ZNF761: variants seen among roughly 807,000 people sequenced by gnomAD.
ZNF761 encodes the protein zinc finger protein 761.
ZNF761 carries 43 observed loss-of-function variants against 59.9 expected under a neutral mutation model. The ratio of observed to expected loss-of-function variants is 0.72; its 90% CI spans 0.56 to 0.92. The LOEUF is 0.92. Ranked by LOEUF, ZNF761 falls within the 40% of genes least tolerant of loss-of-function variation. The probability of loss-of-function intolerance (pLI) is 0.00; values close to 1 mark genes in which losing one functional copy is unlikely to be tolerated. For missense variants in ZNF761, 850 were observed against 906.1 expected (o/e 0.94, Z 0.79); for synonymous variants, 294 against 304.8 (o/e 0.96, Z 0.37).
chr19:53,443,080 T>C (rs1445824354), intron 1 of ZNF761: 2 of 196,780 alleles, frequency 1.0e-5, no homozygotes. Context: ...TCTGCATGCT[T>C]TCTAGTCTTT....
At position 53,455,176 on chromosome 19, in the gene ZNF761, C is replaced by A; in HGVS notation, c.669C>A (p.Ala223=). Reference sequence around the variant, plus strand: ...TCCAATGTAATGAGAGTGGCAAAGCCTTTAATTACAGCTCACTCTTAAGGA... The same window carrying A: ...TCCAATGTAATGAGAGTGGCAAAGCATTTAATTACAGCTCACTCTTAAGGA... ...KSFQCNESGK[A]FNYSSLLRKH... is the part of the protein sequence containing the mutation. Residue 223 remains alanine, a synonymous_variant, in exon 5 of 5, where the codon GCC becomes GCA. Transcript: ENST00000684525. The A allele has an allele frequency of 6.2e-7, 1 of 1,614,170 alleles. No homozygotes were observed. Among genetic ancestry groups the A allele is most frequent in the Non-Finnish European group, 8.5e-7 (1 of 1,180,032 alleles).
intron 1 of ZNF761, among the ~76,000 whole-genome samples, chr19:53,434,130 T>C (rs1391867830): frequency 6.6e-6 from 1 of 152,218 alleles, no homozygotes; most frequent in Non-Finnish European, 1.5e-5. Context: ...CTTGCGAGTT[T>C]ATGATGCGGT....
chr19:53,441,196 C>T (rs1179080778), intron 1 of ZNF761, among the ~76,000 whole-genome samples: 4 of 152,112 alleles, frequency 2.6e-5, no homozygotes, highest in African/African-American at 9.7e-5. Flanking sequence ...GCATGAGAAT[C>T]ACTTAAACTT....
At chr19:53,449,121 G>T (rs12983436) in intron 3 of ZNF761, among the ~76,000 whole-genome samples, 53,409 of 152,020 alleles carry the variant, frequency 0.35, 11,043 homozygotes, top group South Asian at 0.63. Context: ...CACGAGGTCA[G>T]GAGTTTGAGA....
At position 53,454,765 on chromosome 19, in the gene ZNF761, C is replaced by G. The variant is rs563859985; in HGVS notation, c.258C>G (p.Cys86Trp). 4 of 1,614,006 alleles carry G rather than the reference C, an allele frequency of 2.5e-6. No individual in the cohort carries two copies. The highest frequency in any genetic ancestry group is 2.7e-5 in the African/African-American group (2 of 74,968). ...IHESHHNGDF[C>W]YQDVDKDIHD... is the part of the protein sequence containing the mutation. Reference sequence around the variant, plus strand: ...AAAGTCATCACAATGGAGATTTTTGCTACCAGGATGTTGATAAAGATATTC... The same window carrying G: ...AAAGTCATCACAATGGAGATTTTTGGTACCAGGATGTTGATAAAGATATTC... Residue 86 changes from cysteine to tryptophan, a missense_variant, in exon 5 of 5, where the codon TGC (cysteine) becomes TGG (tryptophan). Physicochemically the swap from Cys to Trp is radical, Grantham distance 215. Transcript: ENST00000684525.
At chr19:53,449,369 A>G in intron 3 of ZNF761, 143 bp from the exon 4 acceptor site, 1 of 1,597,824 alleles carries the variant, frequency 6.3e-7, no homozygotes, top group Non-Finnish European at 8.5e-7. Context: ...TGGGAAGACA[A>G]AATGCGGTGA....
At chr19:53,449,198 C>T (rs1418093996) in intron 3 of ZNF761, among the ~76,000 whole-genome samples, 5 of 152,078 alleles carry the variant, frequency 3.3e-5, no homozygotes, top group African/African-American at 1.2e-4. Flanking sequence ...GTTGTGGTGG[C>T]ATGCACCTGT....
chr19:53,446,614 C>T (rs2086162644), intron 2 of ZNF761, among the ~76,000 whole-genome samples: 2 of 152,054 alleles, frequency 1.3e-5, no homozygotes, highest in Admixed American at 1.3e-4. Context: ...CTCAAGTAAT[C>T]CACCCTCCTC....
intron 2 of ZNF761, among the ~76,000 whole-genome samples, 176 bp downstream of exon 2, chr19:53,446,513 T>TGG (rs2086161466): frequency 1.3e-5 from 2 of 152,112 alleles, no homozygotes; most frequent in Non-Finnish European, 2.9e-5. Context: ...GTAGCTGGGA[T>TGG]TACAAACAAC....
At chr19:53,439,226 G>A (rs1568802047) in intron 1 of ZNF761, among the ~76,000 whole-genome samples, 2 of 150,222 alleles carry the variant, frequency 1.3e-5, no homozygotes, top group Non-Finnish European at 3.0e-5. Context: ...AGCTGAGATC[G>A]TGCCACTACA....
At chr19:53,454,480 G>T (rs766771175) in intron 4 of ZNF761, among the ~76,000 whole-genome samples, 170 bp from the exon 5 acceptor site, 10 of 152,174 alleles carry the variant, frequency 6.6e-5, no homozygotes, top group Admixed American at 1.3e-4. Flanking sequence ...TGAAGCACAT[G>T]TAATCGCCCT....
intron 2 of ZNF761, 184 bp from the exon 3 acceptor site, chr19:53,447,012 C>T (rs913129200): frequency 1.7e-5 from 6 of 363,496 alleles, no homozygotes; most frequent in Admixed American, 3.8e-5. Flanking sequence ...ACTGTTGCAG[C>T]GTGTGTGTGG....
intron 1 of ZNF761, among the ~76,000 whole-genome samples, chr19:53,435,936 C>T (rs146064886): frequency 0.01 from 1,590 of 152,152 alleles, 39 homozygotes; most frequent in African/African-American, 0.036. Context: ...AAGCTTCGGC[C>T]GTGCGTAGAC....
intron 4 of ZNF761, 76 bp from the exon 5 acceptor site, chr19:53,454,574 G>T: frequency 1.4e-6 from 2 of 1,405,812 alleles, no homozygotes; most frequent in Non-Finnish European, 9.5e-7. Context: ...ATTGTTTTTT[G>T]TGTCGTATTT....
At chr19:53,451,496 C>T (rs1337118774) in intron 4 of ZNF761, among the ~76,000 whole-genome samples, 5 of 152,170 alleles carry the variant, frequency 3.3e-5, no homozygotes, top group Non-Finnish European at 4.4e-5. Flanking sequence ...GTTGAACCAC[C>T]GCACCCAGCC....
rs557425725 is a variant in ZNF761 at position 53,447,671 on chromosome 19, T to G, written c.15+388T>G. On this transcript the variant is annotated intron_variant, in intron 3 of 4. Coordinates refer to ENST00000684525, the MANE Select transcript of ZNF761 (RefSeq NM_001289951.2). ...GTCATGTATTCATGTGCACAAAGTA[T>G]GTGGTAAATTCTAGAAAAGGTGACC... is the stretch of plus-strand genomic sequence containing the variant. Among the ~76,000 whole-genome samples the G allele has an allele frequency of 1.3e-3, 194 of 152,290 alleles. 1 individual carries two copies. The highest frequency in any genetic ancestry group is 2.0e-3 in the Non-Finnish European group (133 of 68,020).
In ZNF761 at chr19:53,455,407, T is replaced by G. The variant is rs373730535; in HGVS notation, c.900T>G (p.Cys300Trp). The part of the protein sequence containing the change: ...RLHTGEKPYK[C>W]EECDKAFHFK... ...ATACTGGAGAGAAACCTTACAAATG[T>G]GAAGAATGTGACAAAGCTTTCCATT... is the stretch of plus-strand genomic sequence containing the variant. The change falls in exon 5 of 5, where the codon TGT becomes TGG. Residue 300 changes from cysteine (C) to tryptophan (W), a missense_variant. Transcript: ENST00000684525. The G allele has an allele frequency of 1.1e-4, 184 of 1,613,592 alleles. No individual in the cohort carries two copies. The highest frequency in any genetic ancestry group is 1.5e-4 in the Non-Finnish European group (179 of 1,179,970).
chr19:53,444,964 T>A (rs1358330609), intron 1 of ZNF761: 1 of 137,530 alleles, frequency 7.3e-6, no homozygotes, highest in Non-Finnish European at 1.6e-5. Context: ...CACCCATGAT[T>A]CTTTTTTTTC....
rs192878146 is a variant in ZNF761 at position 53,450,910 on chromosome 19, A to G, written c.142+1272A>G. Among the ~76,000 whole-genome samples, 908 of 151,530 alleles carry G rather than the reference A, an allele frequency of 6.0e-3. 12 individuals are homozygous for G. The highest frequency in any genetic ancestry group is 0.021 in the African/African-American group (853 of 41,234). ...CTCAAGTGTCTAATGCAGGAGAGTC[A>G]CTTGAACCCAGGAGGTGGAGGTTGC... On this transcript the variant is annotated intron_variant, in intron 4 of 4. Transcript: ENST00000684525.
Sources: allele counts gnomAD v4.1 joint callset (sites outside exome capture counted in the v4.1 genomes callset), GRCh38; gene constraint gnomAD v4.1.1; transcripts MANE v1.5; gene names NCBI Gene and HGNC (gene_info 2026-07-23, HGNC 2026-07-21).